The following PDE8B variants were observed in gnomAD, a reference collection of about 807,000 sequenced individuals.
PDE8B encodes phosphodiesterase 8B.
A neutral mutation model predicts 101.3 loss-of-function variants in PDE8B; 26 were observed. The observed-to-expected ratio is 0.26, with a 90% confidence interval of 0.19 to 0.36. The LOEUF (loss-of-function observed/expected upper bound fraction) is 0.36, where lower values mean the gene tolerates loss of function less well. Ranked by LOEUF, PDE8B falls within the 10% of genes least tolerant of loss-of-function variation. The pLI is 1.00. For missense variants in PDE8B, 810 were observed against 1,163.1 expected, an observed-to-expected ratio of 0.70 and a Z score of 4.42; for synonymous variants, 424 against 429.3, an observed-to-expected ratio of 0.99 and a Z score of 0.15.
intron 1 of PDE8B, among the ~76,000 whole-genome samples, chr5:77,216,909 T>C (rs970171911): frequency 6.6e-6 from 1 of 152,128 alleles, no homozygotes; most frequent in South Asian, 2.1e-4. Flanking sequence ...TCCCAAAGGC[T>C]CTTCGTAACA....
chr5:77,311,200 T>G (rs1161427897), intron 1 of PDE8B, among the ~76,000 whole-genome samples: 2 of 152,162 alleles, frequency 1.3e-5, no homozygotes, highest in Non-Finnish European at 2.9e-5. Context: ...GTCAACCAAA[T>G]TAGTCTAGAG....
At chr5:77,199,810 A>G in the PDE8B span, among the ~76,000 whole-genome samples, 1 of 152,130 alleles carries the variant, frequency 6.6e-6, no homozygotes, top group African/African-American at 2.4e-5. Context: ...AAAGTATAAG[A>G]CTGTTACATA....
At chr5:77,246,002 T>C (rs1756859582) in intron 1 of PDE8B, among the ~76,000 whole-genome samples, 1 of 151,736 alleles carries the variant, frequency 6.6e-6, no homozygotes, top group South Asian at 2.1e-4. Context: ...AGGTACGCAC[T>C]ACCACGCCCA....
chr5:77,349,784 A>AT, intron 8 of PDE8B, among the ~76,000 whole-genome samples: 1 of 152,166 alleles, frequency 6.6e-6, no homozygotes, highest in Non-Finnish European at 1.5e-5. Flanking sequence ...GTGTGAAAAC[A>AT]TTTCATCCTG....
chr5:77,146,966 G>A, the PDE8B span: 1 of 453,292 alleles, frequency 2.2e-6, no homozygotes, highest in Non-Finnish European at 4.3e-6. Flanking sequence ...TGGAAGAGAT[G>A]TGGAAGGGCA....
intron 1 of PDE8B, among the ~76,000 whole-genome samples, chr5:77,302,145 G>A (rs1770097473): frequency 6.6e-6 from 1 of 152,056 alleles, no homozygotes; most frequent in African/African-American, 2.4e-5. Context: ...ATTATACTGT[G>A]CCAGCCAAGT....
intron 1 of PDE8B, among the ~76,000 whole-genome samples, chr5:77,254,803 T>C (rs369007444): frequency 6.6e-6 from 1 of 152,230 alleles, no homozygotes; most frequent in Non-Finnish European, 1.5e-5. Flanking sequence ...GGACCAGTAA[T>C]AGCAGATGCT....
chr5:77,261,744 T>C (rs77320556), intron 1 of PDE8B, among the ~76,000 whole-genome samples: 6,325 of 152,238 alleles, frequency 0.042, 437 homozygotes, highest in African/African-American at 0.14. Flanking sequence ...AGGCTGTCAG[T>C]GGAAGGAGGA....
chr5:77,318,055 CAAAAAAAA>C (rs55952764), intron 2 of PDE8B, among the ~76,000 whole-genome samples: 2 of 57,190 alleles, frequency 3.5e-5, no homozygotes, highest in African/African-American at 7.1e-5. Flanking sequence ...GACTCCATCT[CAAAAAAAA>C]AAAAAAAAAA....
intron 1 of PDE8B, among the ~76,000 whole-genome samples, chr5:77,276,352 C>G (rs557947593): frequency 6.6e-6 from 1 of 152,322 alleles, no homozygotes; most frequent in African/African-American, 2.4e-5. Flanking sequence ...AAGGCCTCTA[C>G]CTCAGAGACC....
At chr5:77,330,379 AT>A (rs1329232416) in intron 4 of PDE8B, among the ~76,000 whole-genome samples, 4 of 152,138 alleles carry the variant, frequency 2.6e-5, no homozygotes, top group African/African-American at 9.7e-5. Context: ...GATGTCACCG[AT>A]TTTTCCTGGT....
At chr5:77,338,012 T>G (rs1411288405) in intron 6 of PDE8B, among the ~76,000 whole-genome samples, 3 of 152,166 alleles carry the variant, frequency 2.0e-5, no homozygotes, top group Non-Finnish European at 4.4e-5. Flanking sequence ...CCCTGATGTT[T>G]TCCTCTCTTC....
At position 77,349,450 on chromosome 5, in the gene PDE8B, G is replaced by A; in HGVS notation, c.908G>A (p.Gly303Asp). Residue 303 changes from glycine to aspartate, a missense_variant, in exon 8 of 22, where the codon GGC (glycine) becomes GAC (aspartate). Coordinates refer to ENST00000264917, the MANE Select transcript of PDE8B (RefSeq NM_003719.5). ...AACCCAGCCTTCGAAAGGATGATGG[G>A]CTACCACAAAGGTGAGCTCCTGGGA... Reference protein sequence around the residue: ...YVNPAFERMMGYHKGELLGKE... With the variant: ...YVNPAFERMMDYHKGELLGKE... 6.8e-6 allele frequency: 11 copies of A among 1,614,102 alleles called. No individual in the cohort carries two copies. Among genetic ancestry groups the A allele is most frequent in the Non-Finnish European group, 8.5e-6 (10 of 1,180,010 alleles).
chr5:77,191,494 A>T, the PDE8B span, among the ~76,000 whole-genome samples: 1 of 151,958 alleles, frequency 6.6e-6, no homozygotes, highest in African/African-American at 2.4e-5. Context: ...CTGGGACTAC[A>T]GGTGCCCGCC....
intron 6 of PDE8B, among the ~76,000 whole-genome samples, chr5:77,343,525 A>G (rs1392732541): frequency 1.3e-5 from 2 of 152,232 alleles, no homozygotes; most frequent in South Asian, 2.1e-4. Context: ...GTGCACTTGT[A>G]TAAGGCACTT....
At chr5:77,378,295 C>G (rs886471849) in intron 10 of PDE8B, among the ~76,000 whole-genome samples, 5 of 151,692 alleles carry the variant, frequency 3.3e-5, no homozygotes, top group Non-Finnish European at 7.4e-5. Context: ...CCTGTCTCTA[C>G]TAAAAATACA....
chr5:77,363,845 C>G (rs1054633303), intron 10 of PDE8B, among the ~76,000 whole-genome samples: 12 of 152,064 alleles, frequency 7.9e-5, no homozygotes, highest in Non-Finnish European at 5.9e-5. Flanking sequence ...GGAGCTTGAG[C>G]TGAGGGTACA....
intron 1 of PDE8B, among the ~76,000 whole-genome samples, chr5:77,243,697 A>C (rs534645476): frequency 6.6e-6 from 1 of 152,304 alleles, no homozygotes; most frequent in East Asian, 1.9e-4. Context: ...TTTATTGCTA[A>C]GTGGTGTTCT....
intron 10 of PDE8B, among the ~76,000 whole-genome samples, chr5:77,394,387 A>G (rs1200804090): frequency 1.3e-5 from 2 of 152,198 alleles, no homozygotes; most frequent in African/African-American, 2.4e-5. Context: ...GCAAGATCCT[A>G]TATAAACCAT....
Sources: gnomAD v4.1 joint callset for allele counts (sites outside exome capture counted in the v4.1 genomes callset) on GRCh38, gnomAD v4.1.1 for gene constraint, MANE v1.5 for transcripts, NCBI Gene and HGNC (gene_info 2026-07-23, HGNC 2026-07-21) for gene names.